The following MYO1D variants were observed in gnomAD, a reference collection of about 807,000 sequenced individuals.
MYO1D encodes myosin ID, also known as unconventional myosin-Id.
A neutral mutation model predicts 122.0 loss-of-function variants in MYO1D; 83 were observed. The ratio of observed to expected loss-of-function variants is 0.68; its 90% confidence interval spans 0.57 to 0.82. The LOEUF (loss-of-function observed/expected upper bound fraction) is 0.82. MYO1D is among the 40% of genes least tolerant of loss of function. The probability of loss-of-function intolerance (pLI) is 0.00; values close to 1 mark genes in which losing one functional copy is unlikely to be tolerated. For synonymous variants in MYO1D, 464 were observed against 446.9 expected, an observed-to-expected ratio of 1.04 and a Z score of -0.48; for missense variants, 1,157 against 1,269.5, an observed-to-expected ratio of 0.91 and a Z score of 1.35.
intron 21 of MYO1D, among the ~76,000 whole-genome samples, chr17:32,597,650 T>C (rs1435146751): frequency 6.6e-6 from 1 of 151,590 alleles, no homozygotes; most frequent in East Asian, 1.9e-4. Context: ...GGCGGGTGGA[T>C]CACCTGAGGT....
At chr17:32,523,431 A>C (rs935214516) in intron 21 of MYO1D, 5 of 152,222 alleles carry the variant, frequency 3.3e-5, no homozygotes, top group African/African-American at 1.2e-4. Context: ...GTGTTCATTC[A>C]TCGAGTCCAT....
chr17:32,869,928 G>C (rs549485316), intron 1 of MYO1D, among the ~76,000 whole-genome samples: 1 of 151,734 alleles, frequency 6.6e-6, no homozygotes, highest in Admixed American at 6.6e-5. Context: ...GTGAGACCTC[G>C]TCTAAAAAAA....
chr17:32,820,845 A>C (rs765383593), intron 1 of MYO1D, among the ~76,000 whole-genome samples: 1 of 152,220 alleles, frequency 6.6e-6, no homozygotes, highest in African/African-American at 2.4e-5. Flanking sequence ...TTAAGTATAT[A>C]TATTTTTTCT....
intron 1 of MYO1D, among the ~76,000 whole-genome samples, chr17:32,843,470 G>T (rs547333891): frequency 6.6e-6 from 1 of 152,166 alleles, no homozygotes; most frequent in Non-Finnish European, 1.5e-5. Context: ...AATGTCAAAT[G>T]AATCAAATGG....
Position 32,771,119 on chromosome 17 carries a change from T to C in MYO1D, c.714+6A>G. 6.3e-7 allele frequency: 1 copy of C among 1,577,522 alleles called. No homozygotes were observed. Among genetic ancestry groups the C allele is most frequent in the Non-Finnish European group, 8.7e-7 (1 of 1,147,690 alleles). On this transcript the variant is annotated splice_donor_region_variant and intron_variant, in intron 6 of 21. Transcript: ENST00000318217. ...ATTGGAGCAATCTCAAAGAGGAAAT[T>C]CTCACCTTTAATTGAGCTCCCACAT...
chr17:32,687,842 G>A (rs572496798), intron 16 of MYO1D, among the ~76,000 whole-genome samples: 11 of 152,208 alleles, frequency 7.2e-5, no homozygotes, highest in African/African-American at 2.4e-4. Context: ...CATTATTGAC[G>A]AAATGTTACC....
chr17:32,539,591 T>C (rs535761844), intron 21 of MYO1D, among the ~76,000 whole-genome samples: 3 of 152,308 alleles, frequency 2.0e-5, no homozygotes, highest in Admixed American at 1.3e-4. Context: ...GGCTTCATCA[T>C]TGTAGTCTCT....
chr17:32,658,987 A>C, intron 17 of MYO1D, 128 bp downstream of exon 17: 1 of 903,170 alleles, frequency 1.1e-6, no homozygotes, highest in Non-Finnish European at 1.7e-6. Context: ...AAAACTGAAA[A>C]CATAAGGTAA....
intron 1 of MYO1D, among the ~76,000 whole-genome samples, chr17:32,848,267 A>G (rs897768977): frequency 1.3e-5 from 2 of 152,226 alleles, no homozygotes; most frequent in Non-Finnish European, 2.9e-5. Flanking sequence ...CCTGCTTTTC[A>G]TAACTATGCT....
chr17:32,737,591 C>G (rs1030997398), intron 14 of MYO1D, among the ~76,000 whole-genome samples: 3 of 152,162 alleles, frequency 2.0e-5, no homozygotes, highest in South Asian at 4.1e-4. Flanking sequence ...GTGATCCTCC[C>G]GCCTCAGCCT....
At chr17:32,523,442 G>T (rs1910226375) in intron 21 of MYO1D, 1 of 152,172 alleles carries the variant, frequency 6.6e-6, no homozygotes, top group African/African-American at 2.4e-5. Flanking sequence ...TCGAGTCCAT[G>T]AGAGAAAAGG....
At chr17:32,678,265 T>C (rs2088852593) in intron 16 of MYO1D, among the ~76,000 whole-genome samples, 1 of 151,654 alleles carries the variant, frequency 6.6e-6, no homozygotes, top group Admixed American at 6.6e-5. Flanking sequence ...TTTTTTTTTT[T>C]CTTTTATTAT....
chr17:32,595,627 G>A (rs948833819), intron 21 of MYO1D, among the ~76,000 whole-genome samples: 1 of 152,118 alleles, frequency 6.6e-6, no homozygotes, highest in Non-Finnish European at 1.5e-5. Flanking sequence ...ACCGCGAGTG[G>A]GGCCTATCAG....
chr17:32,789,964 G>A (rs1378846550), intron 1 of MYO1D, among the ~76,000 whole-genome samples: 1 of 151,976 alleles, frequency 6.6e-6, no homozygotes, highest in East Asian at 1.9e-4. Context: ...AGTAACCGTA[G>A]GAATAAAACT....
At chr17:32,626,499 T>C (rs1797301302) in intron 20 of MYO1D, among the ~76,000 whole-genome samples, 1 of 152,246 alleles carries the variant, frequency 6.6e-6, no homozygotes, top group African/African-American at 2.4e-5. Flanking sequence ...TTTCAGACGT[T>C]GCTTTGAGAC....
chr17:32,694,515 C>A (rs1350628754), intron 16 of MYO1D, among the ~76,000 whole-genome samples: 1 of 151,884 alleles, frequency 6.6e-6, no homozygotes, highest in East Asian at 1.9e-4. Flanking sequence ...TCCTGGCTAA[C>A]AAGGTGAAAC....
chr17:32,776,621 T>C (rs2090174610), intron 3 of MYO1D, among the ~76,000 whole-genome samples: 1 of 152,156 alleles, frequency 6.6e-6, no homozygotes, highest in Non-Finnish European at 1.5e-5. Flanking sequence ...ATACAGAAAA[T>C]GATACAATTT....
chr17:32,536,474 T>A (rs1910668540), intron 21 of MYO1D, among the ~76,000 whole-genome samples: 1 of 152,258 alleles, frequency 6.6e-6, no homozygotes, highest in Admixed American at 6.5e-5. Context: ...AACTAACTTT[T>A]ATTATCATGG....
chr17:32,530,784 G>A (rs188816726), intron 21 of MYO1D, among the ~76,000 whole-genome samples: 1 of 152,256 alleles, frequency 6.6e-6, no homozygotes, highest in Admixed American at 6.5e-5. Flanking sequence ...CTGGGCAACA[G>A]AGTGAGACCC....
Sources: allele counts gnomAD v4.1 joint callset (sites outside exome capture counted in the v4.1 genomes callset), GRCh38; gene constraint gnomAD v4.1.1; transcripts MANE v1.5; gene names NCBI Gene and HGNC (gene_info 2026-07-23, HGNC 2026-07-21).